Variants in AATK observed in about 807,000 individuals in gnomAD.
AATK encodes the protein lemur tail kinase 1, also known as serine/threonine-protein kinase LMTK1.
AATK carries 91 observed loss-of-function variants against 114.3 expected under a neutral mutation model. That is an observed-to-expected ratio of 0.80 (90% CI 0.67 to 0.95). The LOEUF is 0.95. AATK is among the 40% of genes least tolerant of loss of function. AATK has a pLI of 0.00. For synonymous variants in AATK, 1,075 were observed against 916.5 expected, an observed-to-expected ratio of 1.17 and a Z score of -3.12; for missense variants, 2,176 against 1,965.2, an observed-to-expected ratio of 1.11 and a Z score of -2.03.
chr17:81,157,098 C>T (rs1157159219), intron 1 of AATK, among the ~76,000 whole-genome samples: 1 of 152,166 alleles, frequency 6.6e-6, no homozygotes, highest in Admixed American at 6.5e-5. Context: ...CCATCTGCCG[C>T]GTGGGATTCT....
chr17:81,127,547 G>A (rs2060861219), intron 6 of AATK, 36 bp downstream of exon 6: 4 of 1,560,212 alleles, frequency 2.6e-6, no homozygotes, highest in African/African-American at 1.4e-5. Context: ...CCCCGGCTCA[G>A]CAAAGACCCC....
chr17:81,126,471 C>T lies in AATK; in HGVS notation c.711G>A (p.Val237=). Residue 237 remains valine (V), a synonymous_variant, in exon 7 of 14, where the codon GTG becomes GTA. Transcript: ENST00000326724. This position sits in a 1 kb window ranked among gnomAD's most constrained non-coding sequence, Gnocchi z 5.1. ...PRTLQRMACE[V]ACGVLHLHRN... is the part of the protein sequence containing the mutation. Reference sequence around the variant, plus strand: ...GATGAAGGTGCAGGACGCCACAGGCCACCTCACAGGCCATGCGCTGCAGGG... The same window carrying T: ...GATGAAGGTGCAGGACGCCACAGGCTACCTCACAGGCCATGCGCTGCAGGG... 2 of 1,558,016 alleles carry T rather than the reference C, an allele frequency of 1.3e-6. No homozygotes were observed. The highest frequency in any genetic ancestry group is 1.7e-6 in the Non-Finnish European group (2 of 1,151,090).
intron 1 of AATK, among the ~76,000 whole-genome samples, chr17:81,148,815 C>T (rs1235125241): frequency 6.6e-6 from 1 of 152,218 alleles, no homozygotes. Flanking sequence ...CTCACGCGCA[C>T]ACTCACGCAC....
intron 1 of AATK, among the ~76,000 whole-genome samples, chr17:81,160,505 G>A (rs1026541717): frequency 3.3e-5 from 5 of 152,250 alleles, no homozygotes; most frequent in Admixed American, 2.6e-4. Context: ...GGCCAAGGCC[G>A]CCGGTCCCGC....
chr17:81,119,384 C>G lies in AATK; in HGVS notation c.4080G>C (p.Lys1360Asn). The G allele has an allele frequency of 6.4e-7, 1 of 1,570,362 alleles. No individual in the cohort carries two copies. Among genetic ancestry groups the G allele is most frequent in the East Asian group, 2.4e-5 (1 of 41,142 alleles). ...ACAGCCCCGCCCAGGCCTCACCTCT[C>G]TTGGACTCGGCGTCCGAGTCAGACA... ...THVSDSDAES[K>N]RGPEAGAGGE... The change falls in exon 13 of 14, where the codon AAG becomes AAC. Residue 1360 changes from lysine (K) to asparagine (N), a missense_variant. Around this residue, in one of 4 missense-constraint regions of AATK, gnomAD observed 1,701 missense variants for 1,394.7 expected, o/e 1.22. Transcript: ENST00000326724.
intron 7 of AATK, chr17:81,125,380 T>C: frequency 3.5e-6 from 2 of 577,524 alleles, no homozygotes; most frequent in Non-Finnish European, 6.9e-6. Flanking sequence ...ACACTATCAC[T>C]CTCGGCTCCC....
rs770957603 is a variant in AATK, at chr17:81,124,936, C to T, written c.834G>A (p.Lys278=). Residue 278 remains lysine (K), a synonymous_variant, in exon 8 of 14, where the codon AAG becomes AAA. Coordinates refer to ENST00000326724, the MANE Select transcript of AATK (RefSeq NM_001080395.3). ...KIGDYGLAHC[K]YREDYFVTAD... ...CCCACCCCACCCCACTCACTCTGTA[C>T]TTGCAGTGAGCCAGGCCATAGTCAC... 2 of 1,516,512 alleles carry T rather than the reference C, an allele frequency of 1.3e-6. No individual in the cohort carries two copies. Among genetic ancestry groups the T allele is most frequent in the East Asian group, 2.3e-5 (1 of 42,748 alleles). 93.9% of individuals were successfully genotyped at this position (1,516,512 alleles called of 1,614,324 possible).
At position 81,125,330 on chromosome 17, in the gene AATK, G is replaced by A. The variant is rs372805254; in HGVS notation, c.756-316C>T. 176 of 705,204 alleles carry A rather than the reference G, an allele frequency of 2.5e-4. 2 individuals are homozygous for A. The highest frequency in any genetic ancestry group is 1.8e-3 in the South Asian group (129 of 72,388). 43.7% of individuals were successfully genotyped at this position (705,204 alleles called of 1,614,324 possible). A position where few individuals can be genotyped will look rare whatever the true frequency, so the allele number is the denominator to read the frequency against. On this transcript the variant is annotated intron_variant, in intron 7 of 13. Transcript: ENST00000326724. ...GAACCTGCCGGAACCCACCCGGACC[G>A]GTCCACGCTTCTCCAGGACCCTCTC...
rs778881073 is a variant in AATK at position 81,121,104 on chromosome 17, A to G, written c.2832T>C (p.Tyr944=). 1 of 1,604,842 alleles carries G rather than the reference A, an allele frequency of 6.2e-7. No homozygotes were observed. The highest frequency in any genetic ancestry group is 1.3e-5 in the African/African-American group (1 of 74,734). Reference sequence around the variant, plus strand: ...CCTTGAGCACAAACTCAGGGGACTCATAGTTCTCGGTGTCATAGCCACTGT... The same window carrying G: ...CCTTGAGCACAAACTCAGGGGACTCGTAGTTCTCGGTGTCATAGCCACTGT... ...ALDSGYDTEN[Y]ESPEFVLKEA... is the part of the protein sequence containing the mutation. Residue 944 remains tyrosine, a synonymous_variant, in exon 11 of 14, where the codon TAT becomes TAC. Transcript: ENST00000326724.
rs201967147 is a variant in AATK, at chr17:81,124,798, G to T, written c.891C>A (p.Ile297=). The T allele has an allele frequency of 1.2e-6, 2 of 1,612,682 alleles. No homozygotes were observed. The highest frequency in any genetic ancestry group is 2.2e-5 in the South Asian group (2 of 91,056). ...ADQLWVPLRW[I]APELVDEVHS... is the part of the protein sequence containing the mutation. ...GCACCTCGTCCACCAGCTCTGGCGC[G>T]ATCCAGCGCAGAGGCACCCACAGCT... is the stretch of plus-strand genomic sequence containing the variant. The change falls in exon 9 of 14, where the codon ATC becomes ATA. Residue 297 remains isoleucine (I), a synonymous_variant. Coordinates refer to ENST00000326724, the MANE Select transcript of AATK (RefSeq NM_001080395.3).
chr17:81,133,126 G>A (rs2060959881), intron 2 of AATK: 1 of 430,814 alleles, frequency 2.3e-6, no homozygotes, highest in South Asian at 1.6e-5. Context: ...CTCTGGGCAG[G>A]AGTGCAGACC....
chr17:81,154,951 T>A (rs2061343469), intron 1 of AATK, among the ~76,000 whole-genome samples: 1 of 152,150 alleles, frequency 6.6e-6, no homozygotes, highest in Non-Finnish European at 1.5e-5. Context: ...TTTTAAATGG[T>A]CAGCATTACT....
Position 81,126,728 on chromosome 17 carries a change from AG to A in AATK, c.622-169del. 6 of 1,417,302 alleles carry A rather than the reference AG, an allele frequency of 4.2e-6. No individual in the cohort carries two copies. Among genetic ancestry groups the A allele is most frequent in the Non-Finnish European group, 5.5e-6 (6 of 1,087,372 alleles). The allele number at this position is 1,417,302 out of a possible 1,614,324, so 87.8% of individuals were successfully genotyped here. A position where few individuals can be genotyped will look rare whatever the true frequency, so the allele number is the denominator to read the frequency against. On this transcript the variant is annotated intron_variant, in intron 6 of 13. Coordinates refer to ENST00000326724, the MANE Select transcript of AATK (RefSeq NM_001080395.3). This position sits in a 1 kb window ranked among gnomAD's most constrained non-coding sequence, Gnocchi z 5.1. ...GTGGCCAGCACCCAGCAGTTCCTGG[AG>A]GGGGGCCGTGTCCCCCAGGGCTGGG...
Position 81,130,913 on chromosome 17 carries a change from C to T in AATK, c.334+148G>A, listed in dbSNP as rs1048785603. 121 of 1,001,670 alleles carry T rather than the reference C, an allele frequency of 1.2e-4. No homozygotes were observed. In the African/African-American group the frequency reaches 1.9e-3, roughly 16 times the overall value. 62.0% of individuals were successfully genotyped at this position (1,001,670 alleles called of 1,614,324 possible). A position where few individuals can be genotyped will look rare whatever the true frequency, so the allele number is the denominator to read the frequency against. ...TGACGCAGCCACAGGGAGTCCAGGG[C>T]TGCACACTGCGTCTACCCCACAGGC... is the stretch of plus-strand genomic sequence containing the variant. On this transcript the variant is annotated intron_variant, in intron 3 of 13. Coordinates refer to ENST00000326724, the MANE Select transcript of AATK (RefSeq NM_001080395.3).
Position 81,131,081 on chromosome 17 carries a change from G to A in AATK, c.314C>T (p.Ala105Val), listed in dbSNP as rs1430870318. The change falls in exon 3 of 14, where the codon GCC (alanine) becomes GTC (valine). Residue 105 changes from alanine to valine, a missense_variant. By Grantham distance (64) the Ala-to-Val change is moderately conservative. This residue lies in a region of AATK where 178 missense variants were observed against 175.4 expected (regional missense o/e 1.01). Coordinates refer to ENST00000326724, the MANE Select transcript of AATK (RefSeq NM_001080395.3). Reference sequence around the variant, plus strand: ...CTCACCTGAGCGCCCAGGCTGCTTGGCCATGGGCAAGGAGACCTCCGTGAG... The same window carrying A: ...CTCACCTGAGCGCCCAGGCTGCTTGACCATGGGCAAGGAGACCTCCGTGAG... ...LPLTEVSLPM[A>V]KQPGRSVQLL... is the part of the protein sequence containing the mutation. 6.4e-7 allele frequency: 1 copy of A among 1,554,738 alleles called. No individual in the cohort carries two copies. The highest frequency in any genetic ancestry group is 8.7e-7 in the Non-Finnish European group (1 of 1,149,718).
Position 81,121,915 on chromosome 17 carries a change from T to A in AATK, c.2021A>T (p.Gln674Leu). ...CACGTTGGAGCGCCAGTGCCCGCGC[T>A]GGGCGGCCCTCCGCGCTCCCACCTC... Reference protein sequence around the residue: ...LEEVGARRAAQRGHWRSNVSA... With the variant: ...LEEVGARRAALRGHWRSNVSA... The change falls in exon 11 of 14, where the codon CAG (glutamine) becomes CTG (leucine). Residue 674 changes from glutamine (Q) to leucine (L), a missense_variant. This residue lies in a region of AATK where 1,701 missense variants were observed against 1,394.7 expected (regional missense o/e 1.22). Coordinates refer to ENST00000326724, the MANE Select transcript of AATK (RefSeq NM_001080395.3). The A allele has an allele frequency of 1.2e-6, 2 of 1,600,574 alleles. No individual in the cohort carries two copies. The highest frequency in any genetic ancestry group is 1.7e-6 in the Non-Finnish European group (2 of 1,178,612).
At chr17:81,129,178 C>T (rs1300219100) in intron 3 of AATK, among the ~76,000 whole-genome samples, 2 of 152,230 alleles carry the variant, frequency 1.3e-5, no homozygotes, top group African/African-American at 4.8e-5. Flanking sequence ...ACGTCAACTG[C>T]CCAGAGGGCT....
Position 81,118,197 on chromosome 17 carries a change from G to T in AATK, c.*205C>A, listed in dbSNP as rs967938738. The T allele has an allele frequency of 6.8e-6, 4 of 584,798 alleles. No individual in the cohort carries two copies. Among genetic ancestry groups the T allele is most frequent in the Non-Finnish European group, 1.2e-5 (4 of 330,950 alleles). 36.2% of individuals were successfully genotyped at this position (584,798 alleles called of 1,614,324 possible). ...AAGCCTAAAAGCCCAGACGAATTCTGCCTCTGGGGCGGAGCATGGCCGATC... is the reference window on the plus strand; with the variant it reads ...AAGCCTAAAAGCCCAGACGAATTCTTCCTCTGGGGCGGAGCATGGCCGATC... On this transcript the variant is annotated 3_prime_UTR_variant, in exon 14 of 14. Transcript: ENST00000326724.
rs1222391905 is a variant in AATK at position 81,121,497 on chromosome 17, C to T, written c.2439G>A (p.Glu813=). Residue 813 remains glutamate (E), a synonymous_variant, in exon 11 of 14, where the codon GAG becomes GAA. Coordinates refer to ENST00000326724, the MANE Select transcript of AATK (RefSeq NM_001080395.3). ...SQEGAPLPSE[E]ASAPDAPDAL... ...CATCAGGGGCGTCGGGGGCACTGGC[C>T]TCCTCCGAGGGAAGTGGGGCTCCCT... 1.0e-5 allele frequency: 16 copies of T among 1,558,794 alleles called. No homozygotes were observed. The highest frequency in any genetic ancestry group is 1.4e-5 in the Non-Finnish European group (16 of 1,150,406).
Sources: allele counts gnomAD v4.1 joint callset (sites outside exome capture counted in the v4.1 genomes callset), GRCh38; gene constraint gnomAD v4.1.1; regional missense constraint gnomAD v4.1.1; non-coding constraint Gnocchi (gnomAD v3.1); transcripts MANE v1.5; gene names NCBI Gene and HGNC (gene_info 2026-07-23, HGNC 2026-07-21).